The following PCDHGA1 variants were observed in gnomAD, a reference collection of about 807,000 sequenced individuals.
PCDHGA1 encodes protocadherin gamma-A1.
PCDHGA1 carries 32 observed loss-of-function variants against 58.0 expected under a neutral mutation model. The ratio of observed to expected loss-of-function variants is 0.55; its 90% confidence interval spans 0.42 to 0.74. PCDHGA1 has a LOEUF of 0.74. Ranked by LOEUF, PCDHGA1 falls within the 30% of genes least tolerant of loss-of-function variation. The pLI, the probability that PCDHGA1 is intolerant of heterozygous loss-of-function variation, is 0.00. For synonymous variants in PCDHGA1, 498 were observed against 501.1 expected (o/e 0.99, Z 0.08); for missense variants, 1,205 against 1,182.3 (o/e 1.02, Z -0.28).
intron 1 of PCDHGA1, among the ~76,000 whole-genome samples, chr5:141,446,149 G>T (rs2098490670): frequency 6.6e-6 from 1 of 152,178 alleles, no homozygotes; most frequent in Non-Finnish European, 1.5e-5. Context: ...GGAATAGGTG[G>T]AATATAAATT....
intron 1 of PCDHGA1, chr5:141,405,012 C>T (rs748403581): frequency 1.2e-6 from 2 of 1,614,018 alleles, no homozygotes; most frequent in Non-Finnish European, 8.5e-7. Context: ...CTGGAGGCCT[C>T]AGACCTTACC....
At chr5:141,364,591 G>A (rs754833725) in intron 1 of PCDHGA1, 1 of 1,614,194 alleles carries the variant, frequency 6.2e-7, no homozygotes, top group Non-Finnish European at 8.5e-7. Flanking sequence ...TGGTCACCGC[G>A]GGCAGGATAG....
In PCDHGA1 at chr5:141,343,945, A is replaced by G. The variant is rs76671115; in HGVS notation, c.2421+10840A>G. On this transcript the variant is annotated intron_variant, in intron 1 of 3. Transcript: ENST00000517417. ...TGTTTGACCTGTGAATTAGGCCCGT[A>G]AAAGACTTCGTTTCTTGAGAAAATA... 1.8e-3 allele frequency: 2,263 copies of G among 1,276,612 alleles called. 34 individuals are homozygous for G. In the African/African-American group the frequency reaches 0.03, roughly 17 times the overall value. The allele number at this position is 1,276,612 out of a possible 1,614,324, so 79.1% of individuals were successfully genotyped here. A position where few individuals can be genotyped will look rare whatever the true frequency, so the allele number is the denominator to read the frequency against.
At position 141,485,656 on chromosome 5, in the gene PCDHGA1, T is replaced by C. The variant is rs147216126; in HGVS notation, c.2422-9151T>C. On this transcript the variant is annotated intron_variant, in intron 1 of 3. Coordinates refer to ENST00000517417, the MANE Select transcript of PCDHGA1 (RefSeq NM_018912.3). This position sits in a 1 kb window ranked among gnomAD's most constrained non-coding sequence, Gnocchi z 5.7. ...CGTTGGAAAAGGCTCAGGATGCAGA[T>C]GTGGGGAGCAATTCGATTAGCAGCT... 23 of 1,612,648 alleles carry C rather than the reference T, an allele frequency of 1.4e-5. No homozygotes were observed. The African/African-American group carries it at 2.8e-4, about 20-fold the overall frequency.
chr5:141,452,701 G>A (rs2098747163), intron 1 of PCDHGA1, among the ~76,000 whole-genome samples: 1 of 151,838 alleles, frequency 6.6e-6, no homozygotes, highest in Non-Finnish European at 1.5e-5. Context: ...TGTCAAGAAA[G>A]AAAGGAAGGA....
intron 1 of PCDHGA1, chr5:141,383,004 G>C: frequency 6.2e-7 from 1 of 1,613,698 alleles, no homozygotes; most frequent in Non-Finnish European, 8.5e-7. Flanking sequence ...TCTACTCCGT[G>C]TCGGAGGAGA....
rs771406105 is a variant in PCDHGA1 at position 141,330,741 on chromosome 5, T to G, written c.57T>G (p.Ser19=). Residue 19 remains serine, a synonymous_variant, in exon 1 of 4, where the codon TCT becomes TCG. Coordinates refer to ENST00000517417, the MANE Select transcript of PCDHGA1 (RefSeq NM_018912.3). ...GCAGGCTGATGCTTCTGTGTCTTTCTCTGGAGCTGCTGTTGGAAGCTGGGG... is the reference window on the plus strand; with the variant it reads ...GCAGGCTGATGCTTCTGTGTCTTTCGCTGGAGCTGCTGTTGGAAGCTGGGG... ...GCSRLMLLCL[S]LELLLEAGAG... 1 of 1,614,008 alleles carries G rather than the reference T, an allele frequency of 6.2e-7. No individual in the cohort carries two copies. The highest frequency in any genetic ancestry group is 1.7e-5 in the Admixed American group (1 of 60,014).
chr5:141,489,126 T>G lies in PCDHGA1; in HGVS notation c.2422-5681T>G. 31 of 585,108 alleles carry G rather than the reference T, an allele frequency of 5.3e-5. No homozygotes were observed. Among genetic ancestry groups the G allele is most frequent in the South Asian group, 1.3e-4 (4 of 31,402 alleles). 36.2% of individuals were successfully genotyped at this position (585,108 alleles called of 1,614,324 possible). On this transcript the variant is annotated intron_variant, in intron 1 of 3. Transcript: ENST00000517417. The surrounding 1 kb of genome is among the most constrained non-coding windows in gnomAD (Gnocchi z 4.5). ...TGCAAGCAGGCAAACCTCCGAGCAG[T>G]TTTTAAGAGGCTGGAAGGAGACATA...
intron 1 of PCDHGA1, among the ~76,000 whole-genome samples, chr5:141,368,814 T>C (rs1765871843): frequency 6.6e-6 from 1 of 152,218 alleles, no homozygotes; most frequent in South Asian, 2.1e-4. Context: ...GAAGTGTTCA[T>C]ACAATGAACA....
chr5:141,454,580 ATT>A (rs1392342692), intron 1 of PCDHGA1, among the ~76,000 whole-genome samples: 2 of 151,234 alleles, frequency 1.3e-5, no homozygotes, highest in Non-Finnish European at 2.9e-5. Context: ...CTAATTTTGT[ATT>A]TTTAGTAGAG....
intron 1 of PCDHGA1, chr5:141,346,667 A>C (rs1757791497): frequency 2.9e-6 from 2 of 701,530 alleles, no homozygotes; most frequent in Non-Finnish European, 2.3e-6. Context: ...AAAATAATAC[A>C]TCGTGAGTGA....
chr5:141,344,956 A>T (rs776859804), intron 1 of PCDHGA1: 50 of 1,613,740 alleles, frequency 3.1e-5, no homozygotes, highest in Non-Finnish European at 4.2e-5. Context: ...AAAAGTCTAG[A>T]TTATGAGGAT....
intron 1 of PCDHGA1, chr5:141,388,188 T>C: frequency 6.5e-7 from 1 of 1,540,372 alleles, no homozygotes; most frequent in South Asian, 1.1e-5. Context: ...GAAGCCAGCT[T>C]GTGCTCTGGA....
chr5:141,477,890 C>A lies in PCDHGA1; in HGVS notation c.2422-16917C>A, dbSNP rs202114426. On this transcript the variant is annotated intron_variant, in intron 1 of 3. Transcript: ENST00000517417. This position sits in a 1 kb window ranked among gnomAD's most constrained non-coding sequence, Gnocchi z 4.9. ...TACCTCAGCTGGCCACCTAGTGTCA[C>A]GGGTGGTAGGCTGGGACGCGGATGC... is the stretch of plus-strand genomic sequence containing the variant. 3.1e-6 allele frequency: 5 copies of A among 1,614,204 alleles called. 1 individual carries two copies. In the Admixed American group the frequency reaches 8.3e-5, roughly 27 times the overall value.
rs2099747616 is a variant in PCDHGA1 at position 141,493,318 on chromosome 5, TA to T, written c.2422-1487del. 6.6e-6 allele frequency among the ~76,000 whole-genome samples: 1 copy of T among 152,234 alleles called. No homozygotes were observed. Among genetic ancestry groups the T allele is most frequent in the South Asian group, 2.1e-4 (1 of 4,828 alleles). On this transcript the variant is annotated intron_variant, in intron 1 of 3. Coordinates refer to ENST00000517417, the MANE Select transcript of PCDHGA1 (RefSeq NM_018912.3). This position sits in a 1 kb window ranked among gnomAD's most constrained non-coding sequence, Gnocchi z 4.3. ...TTCACAGAGCAAGTAAGAGAGATTC[TA>T]ACCCCTGTCTAACTCCAGAATGTGT...
chr5:141,509,447 C>T (rs898280593), intron 3 of PCDHGA1, among the ~76,000 whole-genome samples: 2 of 152,128 alleles, frequency 1.3e-5, no homozygotes, highest in Admixed American at 6.5e-5. Context: ...CCTCCTCTCC[C>T]ACCCCCGACC....
chr5:141,409,476 C>T (rs1195323775), intron 1 of PCDHGA1: 1 of 1,613,982 alleles, frequency 6.2e-7, no homozygotes, highest in South Asian at 1.1e-5. Context: ...ATCGTAGCCA[C>T]TGACAGGGGC....
chr5:141,501,288 T>TACAC (rs1562199973), intron 2 of PCDHGA1, among the ~76,000 whole-genome samples: 2 of 81,228 alleles, frequency 2.5e-5, no homozygotes, highest in Admixed American at 1.6e-4. Flanking sequence ...GATATTCCCT[T>TACAC]ATACACACAC....
At chr5:141,404,707 C>G in intron 1 of PCDHGA1, 1 of 1,614,122 alleles carries the variant, frequency 6.2e-7, no homozygotes, top group Non-Finnish European at 8.5e-7. Context: ...CAGAGCCTGG[C>G]TACCTGGTGA....
Sources: gnomAD v4.1 joint callset for allele counts (sites outside exome capture counted in the v4.1 genomes callset) on GRCh38, gnomAD v4.1.1 for gene constraint, Gnocchi (gnomAD v3.1) non-coding constraint, MANE v1.5 for transcripts, NCBI Gene and HGNC (gene_info 2026-07-23, HGNC 2026-07-21) for gene names.